AOPEP: variants seen among roughly 807,000 people sequenced by gnomAD.
The protein encoded by AOPEP is aminopeptidase O (putative), also known as aminopeptidase O.
In AOPEP, 77 loss-of-function variants were observed where a neutral mutation model predicts 98.1. That is an observed-to-expected ratio of 0.78 (90% CI 0.65 to 0.95). The LOEUF is 0.95. Among genes scored for constraint, AOPEP ranks in the 40% least tolerant of loss-of-function variants. AOPEP has a pLI of 0.00. For missense variants in AOPEP, 1,024 were observed against 1,024.7 expected (o/e 1.00, Z 0.01); for synonymous variants, 346 against 365.3 (o/e 0.95, Z 0.60).
chr9:94,850,526 T>G (rs1244993209), intron 5 of AOPEP, among the ~76,000 whole-genome samples: 3 of 152,178 alleles, frequency 2.0e-5, no homozygotes, highest in Non-Finnish European at 4.4e-5. Flanking sequence ...TCGTATCATT[T>G]CCTTTTCAGA....
intron 13 of AOPEP, among the ~76,000 whole-genome samples, chr9:95,030,391 A>G (rs576502486): frequency 7.9e-5 from 12 of 152,342 alleles, no homozygotes; most frequent in African/African-American, 2.6e-4. Flanking sequence ...AAGATCTGTT[A>G]TGTACATTTC....
At chr9:95,111,230 G>C in the AOPEP span, 1 of 1,537,100 alleles carries the variant, frequency 6.5e-7, no homozygotes, top group Non-Finnish European at 8.7e-7. Flanking sequence ...TCTTCGTTTT[G>C]CAGGAGAATG....
chr9:94,833,142 G>A (rs2041097327), intron 5 of AOPEP, among the ~76,000 whole-genome samples: 1 of 151,002 alleles, frequency 6.6e-6, no homozygotes, highest in Admixed American at 6.6e-5. Context: ...CACCATGTTG[G>A]CCAGGCTGGT....
chr9:94,855,221 G>A (rs1196823707), intron 5 of AOPEP, among the ~76,000 whole-genome samples: 2 of 152,018 alleles, frequency 1.3e-5, no homozygotes, highest in Non-Finnish European at 2.9e-5. Context: ...GGGACTACAG[G>A]CGTGTGCCAC....
intron 5 of AOPEP, among the ~76,000 whole-genome samples, chr9:94,853,833 C>T (rs2043857639): frequency 6.6e-6 from 1 of 152,176 alleles, no homozygotes; most frequent in Non-Finnish European, 1.5e-5. Flanking sequence ...CTTCATCAGA[C>T]AGATATTGTA....
chr9:95,094,646 G>A, the AOPEP span, among the ~76,000 whole-genome samples: 1 of 152,138 alleles, frequency 6.6e-6, no homozygotes, highest in South Asian at 2.1e-4. Flanking sequence ...CCATACTGTG[G>A]CGTGCTCAGG....
the AOPEP span, among the ~76,000 whole-genome samples, chr9:95,117,126 C>T: frequency 6.6e-6 from 1 of 152,158 alleles, no homozygotes; most frequent in Non-Finnish European, 1.5e-5. Context: ...GTGATCACAA[C>T]TGGGAAGCCA....
intron 14 of AOPEP, among the ~76,000 whole-genome samples, chr9:95,063,297 G>T (rs1339814034): frequency 6.6e-6 from 1 of 152,188 alleles, no homozygotes; most frequent in East Asian, 1.9e-4. Context: ...GCCTTAGCAG[G>T]TCTCTTAAGC....
chr9:94,952,329 C>G (rs1441987664), intron 7 of AOPEP, among the ~76,000 whole-genome samples: 3 of 152,140 alleles, frequency 2.0e-5, no homozygotes, highest in African/African-American at 7.2e-5. Flanking sequence ...CTAGATGGCT[C>G]AAAGGATTTT....
At chr9:94,872,492 T>TC (rs1405577609) in intron 5 of AOPEP, among the ~76,000 whole-genome samples, 3 of 152,150 alleles carry the variant, frequency 2.0e-5, no homozygotes, top group African/African-American at 7.2e-5. Flanking sequence ...GATCATTAAC[T>TC]CAACAAGCAG....
At chr9:94,865,991 G>A (rs1226412982) in intron 5 of AOPEP, among the ~76,000 whole-genome samples, 1 of 152,204 alleles carries the variant, frequency 6.6e-6, no homozygotes, top group Admixed American at 6.5e-5. Flanking sequence ...TTACAGAGAT[G>A]AGGGCCATTG....
chr9:94,941,977 A>G (rs2057057800), intron 7 of AOPEP, among the ~76,000 whole-genome samples: 1 of 152,194 alleles, frequency 6.6e-6, no homozygotes. Context: ...CCCTTACCCA[A>G]AGATAATTAC....
intron 4 of AOPEP, among the ~76,000 whole-genome samples, chr9:94,793,924 C>T (rs1299904501): frequency 6.6e-6 from 1 of 152,176 alleles, no homozygotes; most frequent in Non-Finnish European, 1.5e-5. Flanking sequence ...GGATTACTTT[C>T]TATGCTACTC....
At chr9:94,760,715 T>G in intron 2 of AOPEP, 135 bp downstream of exon 2, 1 of 659,646 alleles carries the variant, frequency 1.5e-6, no homozygotes, top group Non-Finnish European at 2.4e-6. Context: ...CTCAAATCCT[T>G]AGACCTACAG....
At chr9:94,993,367 A>G (rs1253395963) in intron 11 of AOPEP, among the ~76,000 whole-genome samples, 1 of 152,204 alleles carries the variant, frequency 6.6e-6, no homozygotes, top group Non-Finnish European at 1.5e-5. Context: ...CCAATGCTCT[A>G]GAAAGAGCAC....
the AOPEP span, among the ~76,000 whole-genome samples, chr9:95,142,025 T>C: frequency 1.6e-5 from 2 of 128,254 alleles, no homozygotes; most frequent in African/African-American, 5.7e-5. Context: ...AGAGTTTTGC[T>C]CTTGTCGCCC....
At chr9:95,131,308 C>T in the AOPEP span, among the ~76,000 whole-genome samples, 2 of 152,198 alleles carry the variant, frequency 1.3e-5, no homozygotes, top group Non-Finnish European at 2.9e-5. Flanking sequence ...TCCAATTAGC[C>T]CGGGTAGCCC....
At chr9:95,115,509 AG>A in the AOPEP span, among the ~76,000 whole-genome samples, 2 of 152,248 alleles carry the variant, frequency 1.3e-5, no homozygotes, top group Non-Finnish European at 2.9e-5. Flanking sequence ...AAAAAAGGCC[AG>A]GAAAGAAAAT....
chr9:95,081,746 T>C (rs1386973610), intron 15 of AOPEP, among the ~76,000 whole-genome samples: 3 of 152,194 alleles, frequency 2.0e-5, no homozygotes, highest in Non-Finnish European at 4.4e-5. Context: ...AATTGTGATC[T>C]TTGACAAATA....
Sources: gnomAD v4.1 joint callset for allele counts (sites outside exome capture counted in the v4.1 genomes callset) on GRCh38, gnomAD v4.1.1 for gene constraint, MANE v1.5 for transcripts, NCBI Gene and HGNC (gene_info 2026-07-23, HGNC 2026-07-21) for gene names.